TANGO6: variants seen among roughly 807,000 people sequenced by gnomAD.
TANGO6 encodes the protein transport and Golgi organization protein 6 homolog.
In TANGO6, 90 loss-of-function variants were observed where a neutral mutation model predicts 114.2. The observed-to-expected ratio is 0.79, with a 90% CI of 0.66 to 0.94. The LOEUF (loss-of-function observed/expected upper bound fraction) is 0.94, where lower values mean the gene tolerates loss of function less well. Ranked by LOEUF, TANGO6 falls within the 40% of genes least tolerant of loss-of-function variation. The pLI is 0.00. For missense variants in TANGO6, 1,274 were observed against 1,315.3 expected, an observed-to-expected ratio of 0.97 and a Z score of 0.49; for synonymous variants, 477 against 509.8, an observed-to-expected ratio of 0.94 and a Z score of 0.87.
At chr16:68,946,409 T>C (rs1963415124) in intron 14 of TANGO6, among the ~76,000 whole-genome samples, 1 of 151,992 alleles carries the variant, frequency 6.6e-6, no homozygotes, top group South Asian at 2.1e-4. Flanking sequence ...TTAGCCAGGA[T>C]GGTCTTGATC....
chr16:68,857,048 G>T (rs1962006797), intron 1 of TANGO6, among the ~76,000 whole-genome samples: 2 of 152,240 alleles, frequency 1.3e-5, no homozygotes, highest in Admixed American at 6.5e-5. Flanking sequence ...GGCGGAGTTT[G>T]CAGTGAGCCA....
chr16:68,993,968 G>C (rs1238057977), intron 15 of TANGO6, among the ~76,000 whole-genome samples: 1 of 152,178 alleles, frequency 6.6e-6, no homozygotes, highest in East Asian at 1.9e-4. Flanking sequence ...CAATCTGTTT[G>C]TCTTGTTGGT....
chr16:68,957,216 A>G (rs1419475450), intron 14 of TANGO6, among the ~76,000 whole-genome samples: 2 of 152,100 alleles, frequency 1.3e-5, no homozygotes, highest in African/African-American at 2.4e-5. Flanking sequence ...TTAAAAATCT[A>G]CAATTCAGTG....
intron 11 of TANGO6, among the ~76,000 whole-genome samples, chr16:68,914,091 T>A (rs1186226659): frequency 6.6e-6 from 1 of 152,218 alleles, no homozygotes; most frequent in Non-Finnish European, 1.5e-5. Context: ...CCCATAGGAC[T>A]ACTGTGAGGA....
Position 68,930,666 on chromosome 16 carries a change from C to T in TANGO6, c.2701+371C>T, listed in dbSNP as rs182362966. On this transcript the variant is annotated intron_variant, in intron 14 of 17. Transcript: ENST00000261778. Reference sequence around the variant, plus strand: ...TTTTTTTTTTTTTGAGACAGAGTCTCGCTCTGTCACCCAGGCTGGAGTGCG... The same window carrying T: ...TTTTTTTTTTTTTGAGACAGAGTCTTGCTCTGTCACCCAGGCTGGAGTGCG... Among the ~76,000 whole-genome samples, 661 of 142,416 alleles carry T rather than the reference C, an allele frequency of 4.6e-3. 6 individuals carry two copies. The highest frequency in any genetic ancestry group is 0.017 in the African/African-American group (627 of 37,300). 93.4% of individuals were successfully genotyped at this position (142,416 alleles called of 152,430 possible).
intron 6 of TANGO6, among the ~76,000 whole-genome samples, chr16:68,879,199 G>A (rs960951468): frequency 7.2e-5 from 11 of 151,730 alleles, no homozygotes; most frequent in Admixed American, 1.3e-4. Context: ...TGGAACTCCT[G>A]GGCTCAAGCG....
chr16:68,877,786 T>A (rs1476641639), intron 5 of TANGO6, among the ~76,000 whole-genome samples: 1 of 151,948 alleles, frequency 6.6e-6, no homozygotes, highest in African/African-American at 2.4e-5. Context: ...ATTTTTGTAT[T>A]TTTAGTAGAG....
intron 10 of TANGO6, among the ~76,000 whole-genome samples, chr16:68,908,060 G>T (rs1174216448): frequency 6.6e-6 from 1 of 152,078 alleles, no homozygotes; most frequent in Admixed American, 6.6e-5. Flanking sequence ...GTTGTGCTTT[G>T]CTTGCTTTTC....
rs1211564914 is a variant in TANGO6 at position 68,963,082 on chromosome 16, ACT to A, written c.2702-10944_2702-10943del. ...GTACTCCAGCCTGGGCGACAGCAAG[ACT>A]CCGTCTCAAAAAAAAAAAAAAAAGC... On this transcript the variant is annotated intron_variant, in intron 14 of 17. Transcript: ENST00000261778. 4.5e-4 allele frequency among the ~76,000 whole-genome samples: 60 copies of A among 133,322 alleles called. 1 individual carries two copies. Among genetic ancestry groups the A allele is most frequent in the African/African-American group, 1.6e-3 (55 of 35,034 alleles). 87.5% of individuals were successfully genotyped at this position (133,322 alleles called of 152,430 possible).
chr16:68,860,425 G>A lies in TANGO6; in HGVS notation c.636G>A (p.Gly212=). 1 of 1,613,972 alleles carries A rather than the reference G, an allele frequency of 6.2e-7. No homozygotes were observed. The highest frequency in any genetic ancestry group is 8.5e-7 in the Non-Finnish European group (1 of 1,179,894). ...ATGTTGCTCAGCACACATCTCTGGG[G>A]AGCTTGATCTTCTGCCACCACTTTG... ...LLNVAQHTSL[G]SLIFCHHFGD... is the part of the protein sequence containing the mutation. Residue 212 remains glycine (G), a synonymous_variant, in exon 2 of 18, where the codon GGG becomes GGA. Coordinates refer to ENST00000261778, the MANE Select transcript of TANGO6 (RefSeq NM_024562.2).
intron 7 of TANGO6, among the ~76,000 whole-genome samples, chr16:68,886,968 CA>C (rs1962547934): frequency 6.6e-6 from 1 of 151,808 alleles, no homozygotes; most frequent in Admixed American, 6.6e-5. Context: ...CCACCACACC[CA>C]GCTAATTTTT....
At chr16:68,965,354 C>T (rs1425828520) in intron 14 of TANGO6, among the ~76,000 whole-genome samples, 5 of 152,056 alleles carry the variant, frequency 3.3e-5, no homozygotes, top group East Asian at 1.9e-4. Flanking sequence ...AATCAAGTAA[C>T]GGGTTACAAT....
intron 7 of TANGO6, among the ~76,000 whole-genome samples, chr16:68,890,358 C>G (rs150116944): frequency 6.6e-6 from 1 of 152,290 alleles, no homozygotes; most frequent in African/African-American, 2.4e-5. Flanking sequence ...GGTCCTTATG[C>G]CAAAAGCTTG....
chr16:68,954,571 T>C (rs80055900), intron 14 of TANGO6, among the ~76,000 whole-genome samples: 4,217 of 152,278 alleles, frequency 0.028, 63 homozygotes, highest in African/African-American at 0.04. Flanking sequence ...AGCGAGAAAG[T>C]TTTATACCAC....
At chr16:68,929,170 C>T (rs916526530) in intron 13 of TANGO6, among the ~76,000 whole-genome samples, 3 of 152,144 alleles carry the variant, frequency 2.0e-5, no homozygotes, top group East Asian at 1.9e-4. Flanking sequence ...TCACCTGCCT[C>T]GGCCTCCCAA....
intron 15 of TANGO6, among the ~76,000 whole-genome samples, chr16:68,986,211 A>G (rs191189865): frequency 6.6e-6 from 1 of 152,322 alleles, no homozygotes; most frequent in Admixed American, 6.5e-5. Flanking sequence ...AAAAATAGCC[A>G]GATTCATGTT....
At chr16:68,850,399 A>G (rs78634552) in intron 1 of TANGO6, among the ~76,000 whole-genome samples, 13,866 of 152,250 alleles carry the variant, frequency 0.091, 771 homozygotes, top group Non-Finnish European at 0.13. Context: ...ATATATAAAT[A>G]TATAATCACA....
rs757963009 is a variant in TANGO6, at chr16:68,875,167, T to G, written c.1008T>G (p.Gly336=). The change falls in exon 5 of 18, where the codon GGT becomes GGG. Residue 336 remains glycine (G), a synonymous_variant. Coordinates refer to ENST00000261778, the MANE Select transcript of TANGO6 (RefSeq NM_024562.2). Reference sequence around the variant, plus strand: ...CCATTGTGCCAGCGGGAGCAGCTGGTGGAAGTGATGCTGAGGTGACGGCTG... The same window carrying G: ...CCATTGTGCCAGCGGGAGCAGCTGGGGGAAGTGATGCTGAGGTGACGGCTG... ...ILEGAGAGAA[G]GSDAEVTAAD... is the part of the protein sequence containing the mutation. 1 of 1,610,774 alleles carries G rather than the reference T, an allele frequency of 6.2e-7. No homozygotes were observed. The highest frequency in any genetic ancestry group is 8.5e-7 in the Non-Finnish European group (1 of 1,177,760).
At chr16:68,865,597 C>T (rs958191313) in intron 3 of TANGO6, among the ~76,000 whole-genome samples, 3 of 152,100 alleles carry the variant, frequency 2.0e-5, no homozygotes, top group Non-Finnish European at 4.4e-5. Context: ...AATCCACTAT[C>T]TTTCTTGCAG....
Sources: allele counts gnomAD v4.1 joint callset (sites outside exome capture counted in the v4.1 genomes callset), GRCh38; gene constraint gnomAD v4.1.1; transcripts MANE v1.5; gene names NCBI Gene and HGNC (gene_info 2026-07-23, HGNC 2026-07-21).